Variants in SH3PXD2A observed in about 807,000 individuals in gnomAD.
SH3PXD2A encodes the protein SH3 and PX domain-containing protein 2A.
SH3PXD2A carries 32 observed loss-of-function variants against 115.2 expected under a neutral mutation model. The ratio of observed to expected loss-of-function variants is 0.28; its 90% CI spans 0.21 to 0.37. SH3PXD2A has a LOEUF of 0.37. Among genes scored for constraint, SH3PXD2A ranks in the 10% least tolerant of loss-of-function variants. The pLI is 1.00. For synonymous variants in SH3PXD2A, 610 were observed against 629.1 expected, an observed-to-expected ratio of 0.97 and a Z score of 0.45; for missense variants, 1,328 against 1,498.7, an observed-to-expected ratio of 0.89 and a Z score of 1.88.
intron 1 of SH3PXD2A, among the ~76,000 whole-genome samples, chr10:103,842,669 C>T (rs1253704958): frequency 6.6e-6 from 1 of 152,166 alleles, no homozygotes; most frequent in Admixed American, 6.5e-5. Context: ...CCGCACCTGG[C>T]TTATTTCACT....
At chr10:103,851,161 A>G (rs1461061867) in intron 1 of SH3PXD2A, among the ~76,000 whole-genome samples, 1 of 151,638 alleles carries the variant, frequency 6.6e-6, no homozygotes, top group African/African-American at 2.4e-5. Context: ...AAAAAAAAAA[A>G]AAGAAGGGCA....
chr10:103,706,122 G>C (rs2037977713), intron 5 of SH3PXD2A, among the ~76,000 whole-genome samples: 1 of 152,242 alleles, frequency 6.6e-6, no homozygotes, highest in African/African-American at 2.4e-5. Flanking sequence ...GAAGAAACCT[G>C]GCTGGTGACC....
At chr10:103,747,837 A>G (rs1302435235) in intron 3 of SH3PXD2A, among the ~76,000 whole-genome samples, 2 of 151,868 alleles carry the variant, frequency 1.3e-5, no homozygotes, top group African/African-American at 4.8e-5. Flanking sequence ...TTTTGTAGAG[A>G]TGAGGTCTCA....
chr10:103,685,818 T>A (rs558157196), intron 6 of SH3PXD2A, among the ~76,000 whole-genome samples: 1 of 152,268 alleles, frequency 6.6e-6, no homozygotes, highest in South Asian at 2.1e-4. Context: ...AGAGTCCACG[T>A]TTTTAACTCA....
intron 1 of SH3PXD2A, among the ~76,000 whole-genome samples, chr10:103,853,248 T>TGGG (rs1842912534): frequency 6.6e-6 from 1 of 152,238 alleles, no homozygotes; most frequent in African/African-American, 2.4e-5. Flanking sequence ...AACAAGTTAT[T>TGGG]ATCAATCTTA....
At chr10:103,796,202 TA>T (rs199729229) in intron 2 of SH3PXD2A, among the ~76,000 whole-genome samples, 17 of 142,582 alleles carry the variant, frequency 1.2e-4, no homozygotes, top group East Asian at 2.0e-4. Context: ...CTACAAAAAA[TA>T]AAAAAAAAAA....
chr10:103,624,669 G>A (rs1233900770), intron 9 of SH3PXD2A, among the ~76,000 whole-genome samples: 3 of 152,228 alleles, frequency 2.0e-5, no homozygotes, highest in Non-Finnish European at 4.4e-5. Context: ...GGAAAGCTTT[G>A]ATAGGATGCA....
intron 8 of SH3PXD2A, among the ~76,000 whole-genome samples, chr10:103,636,776 C>T (rs1031507180): frequency 1.1e-4 from 17 of 152,166 alleles, no homozygotes; most frequent in Admixed American, 3.3e-4. Flanking sequence ...CCCACTCCTT[C>T]CTCTCCCTCT....
chr10:103,667,244 G>T (rs982286040), intron 7 of SH3PXD2A, among the ~76,000 whole-genome samples: 1 of 152,134 alleles, frequency 6.6e-6, no homozygotes, highest in Non-Finnish European at 1.5e-5. Flanking sequence ...ATCTTGAGAC[G>T]TGGTTAAGTG....
intron 2 of SH3PXD2A, among the ~76,000 whole-genome samples, chr10:103,767,692 C>T (rs780228161): frequency 6.7e-6 from 1 of 149,086 alleles, no homozygotes; most frequent in Non-Finnish European, 1.5e-5. Flanking sequence ...ATCCCATTGC[C>T]CCTGCTGCCG....
intron 5 of SH3PXD2A, among the ~76,000 whole-genome samples, chr10:103,722,438 G>T (rs530070087): frequency 6.6e-6 from 1 of 151,728 alleles, no homozygotes; most frequent in Non-Finnish European, 1.5e-5. Flanking sequence ...CCTATTTCTC[G>T]CTATTCTTTC....
intron 8 of SH3PXD2A, among the ~76,000 whole-genome samples, chr10:103,647,027 C>T (rs1387427613): frequency 1.3e-5 from 2 of 151,818 alleles, no homozygotes; most frequent in Non-Finnish European, 2.9e-5. Context: ...ATGGGGAGGT[C>T]TAGACGGAGT....
intron 1 of SH3PXD2A, among the ~76,000 whole-genome samples, chr10:103,817,413 G>A (rs570582931): frequency 5.3e-5 from 8 of 151,822 alleles, no homozygotes; most frequent in African/African-American, 1.9e-4. Flanking sequence ...CCATCTCGGC[G>A]CACTGCAACC....
At chr10:103,625,272 C>T (rs540593117) in intron 9 of SH3PXD2A, among the ~76,000 whole-genome samples, 6 of 152,374 alleles carry the variant, frequency 3.9e-5, no homozygotes, top group Admixed American at 2.6e-4. Context: ...CCAACAGCTC[C>T]GCTCTGACCT....
rs1212416782 is a variant in SH3PXD2A at position 103,598,335 on chromosome 10, T to C, written c.*3481A>G. The C allele has an allele frequency of 6.6e-6, 1 of 152,170 alleles. No homozygotes were observed. Among genetic ancestry groups the C allele is most frequent in the East Asian group, 1.9e-4 (1 of 5,184 alleles). 9.4% of individuals were successfully genotyped at this position (152,170 alleles called of 1,614,324 possible). ...CCAAAGTCCCATGGCCTGGTGAGAA[T>C]AGTGAGGAGGAGAGGGGCAACACAG... On this transcript the variant is annotated 3_prime_UTR_variant, in exon 15 of 15. Transcript: ENST00000369774.
At chr10:103,643,756 T>C (rs1257493685) in intron 8 of SH3PXD2A, among the ~76,000 whole-genome samples, 1 of 152,154 alleles carries the variant, frequency 6.6e-6, no homozygotes, top group Non-Finnish European at 1.5e-5. Context: ...GCCCAGCACA[T>C]GTTTGCACGA....
At chr10:103,747,430 C>T (rs2038518301) in intron 3 of SH3PXD2A, among the ~76,000 whole-genome samples, 1 of 152,188 alleles carries the variant, frequency 6.6e-6, no homozygotes, top group Non-Finnish European at 1.5e-5. Context: ...CTCGGCTCCT[C>T]CCTCCAGGGG....
intron 1 of SH3PXD2A, among the ~76,000 whole-genome samples, chr10:103,812,127 A>T (rs1184410288): frequency 6.6e-6 from 1 of 152,228 alleles, no homozygotes; most frequent in Non-Finnish European, 1.5e-5. Flanking sequence ...AGAGTACCTG[A>T]GAGCATGCGG....
In SH3PXD2A at chr10:103,620,881, G is replaced by T. The variant is rs1394965173; in HGVS notation, c.802+1589C>A. Among the ~76,000 whole-genome samples, 1 of 152,202 alleles carries T rather than the reference G, an allele frequency of 6.6e-6. No homozygotes were observed. Among genetic ancestry groups the T allele is most frequent in the African/African-American group, 2.4e-5 (1 of 41,440 alleles). Reference sequence around the variant, plus strand: ...GCGTTGTGTGTATGAAGCTGTATGTGCCCTTGTGAGTGTTGCTGTGGAGGA... The same window carrying T: ...GCGTTGTGTGTATGAAGCTGTATGTTCCCTTGTGAGTGTTGCTGTGGAGGA... On this transcript the variant is annotated intron_variant, in intron 10 of 14. Transcript: ENST00000369774. The surrounding 1 kb of genome is among the most constrained non-coding windows in gnomAD (Gnocchi z 5.3).
Sources: gnomAD v4.1 joint callset for allele counts (sites outside exome capture counted in the v4.1 genomes callset) on GRCh38, gnomAD v4.1.1 for gene constraint, Gnocchi (gnomAD v3.1) non-coding constraint, MANE v1.5 for transcripts, NCBI Gene and HGNC (gene_info 2026-07-23, HGNC 2026-07-21) for gene names.